The following SGK1 variants were observed in gnomAD, a reference collection of about 807,000 sequenced individuals.
SGK1 encodes serine/threonine-protein kinase Sgk1.
Under a neutral mutation model 64.2 loss-of-function variants are expected in SGK1, and 26 were observed. That is an observed-to-expected ratio of 0.40 (90% CI 0.30 to 0.56). SGK1 has a LOEUF of 0.56. SGK1 is among the 20% of genes least tolerant of loss of function. SGK1 has a pLI of 0.38. For missense variants in SGK1, 519 were observed against 645.6 expected, an observed-to-expected ratio of 0.80 and a Z score of 2.12; for synonymous variants, 265 against 239.7, an observed-to-expected ratio of 1.11 and a Z score of -0.98.
Position 134,172,683 on chromosome 6 carries a change from T to A in SGK1, c.926A>T (p.His309Leu), listed in dbSNP as rs1477465338. Residue 309 changes from histidine to leucine, a missense_variant, in exon 9 of 14, where the codon CAT (histidine) becomes CTT (leucine). His to Leu is a moderately conservative substitution (Grantham distance 99). This residue lies in a region of SGK1 where 278 missense variants were observed against 408.7 expected (regional missense o/e 0.68). Transcript: ENST00000367858. ...TTACCTATAAACGATGTTCAGTGAA[T>A]GCAGGTAGCCCAAGGCACTGGCTAT... ...AEIASALGYL[H>L]SLNIVYRDLK... is the part of the protein sequence containing the mutation. The A allele has an allele frequency of 6.2e-7, 1 of 1,612,496 alleles. No individual in the cohort carries two copies. The highest frequency in any genetic ancestry group is 1.3e-5 in the African/African-American group (1 of 74,900).
At chr6:134,292,586 G>A (rs959816025) in intron 1 of SGK1, among the ~76,000 whole-genome samples, 5 of 151,668 alleles carry the variant, frequency 3.3e-5, no homozygotes, top group African/African-American at 1.2e-4. Flanking sequence ...AAGTGAGACT[G>A]TCTCAAAAAA....
chr6:134,218,951 G>A (rs1458083830), intron 2 of SGK1, among the ~76,000 whole-genome samples: 1 of 151,996 alleles, frequency 6.6e-6, no homozygotes, highest in Non-Finnish European at 1.5e-5. Context: ...ATGGAACACA[G>A]CTTTTCAATG....
chr6:134,260,678 A>G (rs1776754437), intron 2 of SGK1: 1 of 151,918 alleles, frequency 6.6e-6, no homozygotes, highest in East Asian at 1.9e-4. Flanking sequence ...AAAAAAAAAA[A>G]AAAAGAAAGA....
At chr6:134,198,724 C>CTTTTTTTTTTTTTTTTTTTTT (rs1459010325) in intron 3 of SGK1, among the ~76,000 whole-genome samples, 1 of 65,946 alleles carries the variant, frequency 1.5e-5, no homozygotes, top group African/African-American at 5.1e-5. Flanking sequence ...TTCTCTTTTT[C>CTTTTTTTTTTTTTTTTTTTTT]TATTTTTTTT....
At chr6:134,302,945 G>A (rs1777480126) in intron 1 of SGK1, among the ~76,000 whole-genome samples, 1 of 151,926 alleles carries the variant, frequency 6.6e-6, no homozygotes, top group Non-Finnish European at 1.5e-5. Context: ...AGTCGAGAAA[G>A]GGTTTCACCA....
intron 2 of SGK1, among the ~76,000 whole-genome samples, chr6:134,242,068 C>T (rs1041769753): frequency 1.3e-5 from 2 of 152,164 alleles, no homozygotes; most frequent in Non-Finnish European, 2.9e-5. Flanking sequence ...AAGTGAGAAA[C>T]AAGATAGGCC....
At chr6:134,267,366 T>C (rs1371799918) in intron 1 of SGK1, among the ~76,000 whole-genome samples, 1 of 152,156 alleles carries the variant, frequency 6.6e-6, no homozygotes, top group Non-Finnish European at 1.5e-5. Flanking sequence ...GGCACGATCA[T>C]AGCTCACTTC....
At chr6:134,294,199 A>G (rs1777306734) in intron 1 of SGK1, among the ~76,000 whole-genome samples, 1 of 152,126 alleles carries the variant, frequency 6.6e-6, no homozygotes, top group Non-Finnish European at 1.5e-5. Flanking sequence ...TTCCCATCTA[A>G]TATACTGTGC....
intron 3 of SGK1, chr6:134,178,014 G>A: frequency 1.7e-6 from 1 of 577,210 alleles, no homozygotes; most frequent in Non-Finnish European, 3.0e-6. Flanking sequence ...ACGCACACAA[G>A]AAATGTAACT....
intron 2 of SGK1, among the ~76,000 whole-genome samples, chr6:134,247,982 C>G (rs1776550493): frequency 6.6e-6 from 1 of 151,830 alleles, no homozygotes. Flanking sequence ...AAGCCTATGA[C>G]TTCTGCTTGC....
At chr6:134,314,272 G>A (rs1440622165) in intron 1 of SGK1, among the ~76,000 whole-genome samples, 1 of 151,748 alleles carries the variant, frequency 6.6e-6, no homozygotes, top group Non-Finnish European at 1.5e-5. Context: ...CAGTATTAAG[G>A]ACTAGAAAGG....
intron 1 of SGK1, among the ~76,000 whole-genome samples, chr6:134,279,983 A>G (rs1233061870): frequency 6.6e-6 from 1 of 152,098 alleles, no homozygotes; most frequent in Non-Finnish European, 1.5e-5. Context: ...TCTTGAGGCC[A>G]AGAGGTCGAG....
chr6:134,283,873 C>CAAAAA lies in SGK1; in HGVS notation c.70-21730_70-21726dup, dbSNP rs35999916. Reference sequence around the variant, plus strand: ...ACAAGACGCTGTCCCCTGCCACCACCAAAAAAAAAAAAAAAAAAAAAAAAA... The same window carrying CAAAAA: ...ACAAGACGCTGTCCCCTGCCACCACCAAAAAAAAAAAAAAAAAAAAAAAAAAAAAA... On this transcript the variant is annotated intron_variant, in intron 1 of 13. Transcript: ENST00000367858. Among the ~76,000 whole-genome samples, 124 of 26,178 alleles carry CAAAAA rather than the reference C, an allele frequency of 4.7e-3. 14 individuals carry two copies. Among genetic ancestry groups the CAAAAA allele is most frequent in the Non-Finnish European group, 7.2e-3 (99 of 13,830 alleles). 17.2% of individuals were successfully genotyped at this position (26,178 alleles called of 152,430 possible).
At chr6:134,206,869 GAA>G (rs554857623) in intron 3 of SGK1, among the ~76,000 whole-genome samples, 49 of 81,920 alleles carry the variant, frequency 6.0e-4, no homozygotes, top group African/African-American at 2.0e-3. Flanking sequence ...TCCGTCTCCA[GAA>G]AAAAAAAAAA....
chr6:134,261,848 T>G lies in SGK1; in HGVS notation c.285+85A>C, dbSNP rs772297097. The stretch of plus-strand genomic sequence containing the variant: ...TAAATATGCATTAAAAAATTATTTT[T>G]TGGGTATACTCTGGCAGAAATACAA... On this transcript the variant is annotated intron_variant, in intron 2 of 13. Transcript: ENST00000367858. 53 of 947,802 alleles carry G rather than the reference T, an allele frequency of 5.6e-5. No individual in the cohort carries two copies. The South Asian group carries it at 6.9e-4, about 12-fold the overall frequency. 58.7% of individuals were successfully genotyped at this position (947,802 alleles called of 1,614,324 possible). A position where few individuals can be genotyped will look rare whatever the true frequency, so the allele number is the denominator to read the frequency against.
At chr6:134,270,584 T>C (rs1776924258) in intron 1 of SGK1, among the ~76,000 whole-genome samples, 1 of 148,168 alleles carries the variant, frequency 6.7e-6, no homozygotes. Flanking sequence ...TGGAGTGACT[T>C]TTAGAATTCC....
rs1372842287 is a variant in SGK1, at chr6:134,205,260, G to C, written c.361+2096C>G. 3.3e-5 allele frequency among the ~76,000 whole-genome samples: 5 copies of C among 152,210 alleles called. No individual in the cohort carries two copies. In the East Asian group the frequency reaches 7.7e-4, roughly 24 times the overall value. ...TACTAGCAGTATTAGCCAGCAGATGGCTTGTTTATTGTGGTGGTATACTGC... is the reference window on the plus strand; with the variant it reads ...TACTAGCAGTATTAGCCAGCAGATGCCTTGTTTATTGTGGTGGTATACTGC... On this transcript the variant is annotated intron_variant, in intron 3 of 13. Coordinates refer to ENST00000367858, the MANE Select transcript of SGK1 (RefSeq NM_001143676.3).
intron 1 of SGK1, 136 bp downstream of exon 1, chr6:134,317,256 G>C (rs1357076892): frequency 2.2e-5 from 16 of 717,292 alleles, no homozygotes; most frequent in Middle Eastern, 2.4e-4. Flanking sequence ...ATAGTTCTCA[G>C]CTTTACCACT....
At chr6:134,177,051 T>C (rs1452452564) in intron 3 of SGK1, among the ~76,000 whole-genome samples, 1 of 152,072 alleles carries the variant, frequency 6.6e-6, no homozygotes, top group Non-Finnish European at 1.5e-5. Context: ...CCGTCTCTAC[T>C]GAAAATAGAA....
Sources: gnomAD v4.1 joint callset for allele counts (sites outside exome capture counted in the v4.1 genomes callset) on GRCh38, gnomAD v4.1.1 for gene constraint, gnomAD v4.1.1 regional missense constraint, MANE v1.5 for transcripts, NCBI Gene and HGNC (gene_info 2026-07-23, HGNC 2026-07-21) for gene names.